ATAD3C: variants seen among roughly 807,000 people sequenced by gnomAD.
The protein encoded by ATAD3C is ATPase family AAA domain-containing protein 3C.
In ATAD3C, 38 loss-of-function variants were observed where a neutral mutation model predicts 46.3. The ratio of observed to expected loss-of-function variants is 0.82; its 90% CI spans 0.63 to 1.08. The LOEUF is 1.08. ATAD3C is among the 50% of genes least tolerant of loss of function. ATAD3C has a pLI of 0.00. For missense variants in ATAD3C, 563 were observed against 572.7 expected, an observed-to-expected ratio of 0.98 and a Z score of 0.17; for synonymous variants, 220 against 236.4, an observed-to-expected ratio of 0.93 and a Z score of 0.63.
intron 8 of ATAD3C, among the ~76,000 whole-genome samples, chr1:1,457,859 G>A (rs1355585574): frequency 6.6e-6 from 1 of 151,138 alleles, no homozygotes; most frequent in African/African-American, 2.4e-5. Flanking sequence ...TGTATTTTTA[G>A]TAGAGATGGG....
chr1:1,452,076 G>C lies in ATAD3C; in HGVS notation c.106G>C (p.Glu36Gln), dbSNP rs1421242276. 1.2e-6 allele frequency: 2 copies of C among 1,613,548 alleles called. No homozygotes were observed. Among genetic ancestry groups the C allele is most frequent in the African/African-American group, 2.7e-5 (2 of 74,942 alleles). ...QLVNEDLRKQ[E>Q]ESVQKHHQTF... ...TGTCAATGAGGATTTACGGAAGCAG[G>C]AGGAGTCCGTGCAGAAGCACCATCA... The change falls in exon 2 of 12, where the codon GAG becomes CAG. Residue 36 changes from glutamate (E) to glutamine (Q), a missense_variant. This residue lies in a region of ATAD3C where 263 missense variants were observed against 243.1 expected (regional missense o/e 1.08). Coordinates refer to ENST00000378785, the MANE Select transcript of ATAD3C (RefSeq NM_001039211.3).
Position 1,470,093 on chromosome 1 carries a change from T to A in ATAD3C, c.*1563T>A, listed in dbSNP as rs1639220909. 1 of 152,046 alleles carries A rather than the reference T, an allele frequency of 6.6e-6. No homozygotes were observed. Among genetic ancestry groups the A allele is most frequent in the African/African-American group, 2.4e-5 (1 of 41,398 alleles). 9.4% of individuals were successfully genotyped at this position (152,046 alleles called of 1,614,324 possible). A position where few individuals can be genotyped will look rare whatever the true frequency, so the allele number is the denominator to read the frequency against. ...GAACTAGTGATAATCCCACCACCCT[T>A]TGCTGACTCTCTTTTTGAACTCAGC... On this transcript the variant is annotated 3_prime_UTR_variant, in exon 12 of 12. Transcript: ENST00000378785.
chr1:1,464,320 G>A (rs11485860), intron 11 of ATAD3C, among the ~76,000 whole-genome samples: 3,506 of 151,850 alleles, frequency 0.023, 172 homozygotes, highest in African/African-American at 0.08. Flanking sequence ...GTGCCAGCTC[G>A]GTCCCTCCCT....
At position 1,469,480 on chromosome 1, in the gene ATAD3C, T is replaced by TGGGGTG. The variant is rs895717527; in HGVS notation, c.*962_*967dup. ...ATAACCAAAACCTTGATTACAGCCATGGGGTGGGGGTGGGGGTCAGGGGCG... is the reference window on the plus strand; with the variant it reads ...ATAACCAAAACCTTGATTACAGCCATGGGGTGGGGGTGGGGGTGGGGGTCAGGGGCG... On this transcript the variant is annotated 3_prime_UTR_variant, in exon 12 of 12. Transcript: ENST00000378785. 6.6e-5 allele frequency: 1 copy of TGGGGTG among 15,164 alleles called. No individual in the cohort carries two copies. The highest frequency in any genetic ancestry group is 1.8e-3 in the South Asian group (1 of 570). The allele number at this position is 15,164 out of a possible 1,614,324, so 0.9% of individuals were successfully genotyped here. A position where few individuals can be genotyped will look rare whatever the true frequency, so the allele number is the denominator to read the frequency against.
chr1:1,454,566 C>T, intron 4 of ATAD3C, 66 bp downstream of exon 4: 1 of 1,553,466 alleles, frequency 6.4e-7, no homozygotes, highest in Non-Finnish European at 8.7e-7. Context: ...GCCCCACGAG[C>T]ACAGCCCACG....
rs1014414435 is a variant in ATAD3C at position 1,449,890 on chromosome 1, A to G, written c.-794A>G. ...CATTGACCTGTGTCGGTTCCCCACT[A>G]GGAACAAAATGTAACTGAGGACGTT... On this transcript the variant is annotated 5_prime_UTR_variant, in exon 1 of 12. Transcript: ENST00000378785. 8 of 152,086 alleles carry G rather than the reference A, an allele frequency of 5.3e-5. No individual in the cohort carries two copies. The highest frequency in any genetic ancestry group is 1.9e-4 in the African/African-American group (8 of 41,456). The allele number at this position is 152,086 out of a possible 1,614,324, so 9.4% of individuals were successfully genotyped here.
chr1:1,466,861 G>A (rs146032496), intron 11 of ATAD3C, among the ~76,000 whole-genome samples: 3,547 of 152,024 alleles, frequency 0.023, 175 homozygotes, highest in African/African-American at 0.08. Context: ...TTGATATGAG[G>A]GTAATGCTGG....
rs527340783 is a variant in ATAD3C, at chr1:1,459,721, T to C, written c.812+490T>C. On this transcript the variant is annotated intron_variant, in intron 9 of 11. Coordinates refer to ENST00000378785, the MANE Select transcript of ATAD3C (RefSeq NM_001039211.3). The surrounding 1 kb of genome is among the most constrained non-coding windows in gnomAD (Gnocchi z 4.9). ...TGGCCAAGGGTGCACCCTCCAGGCT[T>C]GGGGCCCACCCGACTTTGTGTGGCC... 7.2e-5 allele frequency among the ~76,000 whole-genome samples: 11 copies of C among 151,924 alleles called. 1 individual carries two copies. The highest frequency in any genetic ancestry group is 1.2e-4 in the Non-Finnish European group (8 of 67,964).
chr1:1,457,595 C>CAAAAAAAAAAAAAAAAAAAAAA (rs777757826), intron 8 of ATAD3C, among the ~76,000 whole-genome samples: 3 of 36,444 alleles, frequency 8.2e-5, no homozygotes, highest in African/African-American at 4.1e-4. Flanking sequence ...GACTTCATCT[C>CAAAAAAAAAAAAAAAAAAAAAA]AAAAAAAAAA....
chr1:1,456,905 G>T (rs929282372), intron 7 of ATAD3C, among the ~76,000 whole-genome samples: 1 of 151,944 alleles, frequency 6.6e-6, no homozygotes, highest in East Asian at 1.9e-4. Context: ...GACTCTAAGC[G>T]GCCACCAGCG....
At position 1,455,812 on chromosome 1, in the gene ATAD3C, C is replaced by G. The variant is rs190004171; in HGVS notation, c.460C>G (p.Arg154Gly). ...VLSPSLEARVRDIAIMTRNIK... is the reference protein window; with the variant it reads ...VLSPSLEARVGDIAIMTRNIK... ...GCAGCCCAGCCTGGAAGCACGGGTG[C>G]GCGACATCGCCATAATGACAAGGAA... Residue 154 changes from arginine to glycine, a missense_variant, in exon 6 of 12, where the codon CGC becomes GGC. Arg to Gly is a moderately radical substitution (Grantham distance 125). Around this residue, in one of 3 missense-constraint regions of ATAD3C, gnomAD observed 263 missense variants for 243.1 expected, o/e 1.08. Coordinates refer to ENST00000378785, the MANE Select transcript of ATAD3C (RefSeq NM_001039211.3). 1.2e-6 allele frequency: 2 copies of G among 1,613,254 alleles called. No individual in the cohort carries two copies. The highest frequency in any genetic ancestry group is 1.7e-6 in the Non-Finnish European group (2 of 1,179,666).
chr1:1,462,685 G>A lies in ATAD3C; in HGVS notation c.1066G>A (p.Ala356Thr), dbSNP rs201934248. The A allele has an allele frequency of 2.9e-5, 46 of 1,604,694 alleles. No individual in the cohort carries two copies. In the African/African-American group the frequency reaches 4.3e-4, roughly 15 times the overall value. ...AGAGGGCATGTCATGCCGGAAGATC[G>A]CACAGCTGGCCGTGTCCTGGCAGGT... The part of the protein sequence containing the change: ...LTEGMSCRKI[A>T]QLAVSWQATA... Residue 356 changes from alanine to threonine, a missense_variant, in exon 11 of 12, where the codon GCA (alanine) becomes ACA (threonine). Physicochemically the swap from Ala to Thr is moderately conservative, Grantham distance 58. Coordinates refer to ENST00000378785, the MANE Select transcript of ATAD3C (RefSeq NM_001039211.3). This position sits in a 1 kb window ranked among gnomAD's most constrained non-coding sequence, Gnocchi z 4.5.
In ATAD3C at chr1:1,462,786, C is replaced by A; in HGVS notation, c.1089+78C>A. 6.8e-7 allele frequency: 1 copy of A among 1,468,882 alleles called. No individual in the cohort carries two copies. Among genetic ancestry groups the A allele is most frequent in the East Asian group, 2.5e-5 (1 of 40,642 alleles). 91.0% of individuals were successfully genotyped at this position (1,468,882 alleles called of 1,614,324 possible). A position where few individuals can be genotyped will look rare whatever the true frequency, so the allele number is the denominator to read the frequency against. On this transcript the variant is annotated intron_variant, in intron 11 of 11. Transcript: ENST00000378785. This position sits in a 1 kb window ranked among gnomAD's most constrained non-coding sequence, Gnocchi z 4.5. ...ATGCTTGGTTGCGCCAGGCCTGTCC[C>A]AGCACCGGTGTCACGTGGGAGCTTC...
At chr1:1,453,642 C>CT (rs1259384008) in intron 3 of ATAD3C, among the ~76,000 whole-genome samples, 1 of 96,318 alleles carries the variant, frequency 1.0e-5, no homozygotes, top group African/African-American at 7.1e-5. Context: ...TGGCATAAAC[C>CT]ATTTTTTTTT....
intron 11 of ATAD3C, among the ~76,000 whole-genome samples, chr1:1,464,209 A>T (rs1639112893): frequency 6.6e-6 from 1 of 151,218 alleles, no homozygotes; most frequent in Non-Finnish European, 1.5e-5. Flanking sequence ...TGTCTCAAAA[A>T]AAAAAAAAAA....
chr1:1,456,876 A>T (rs1350683468), intron 7 of ATAD3C, among the ~76,000 whole-genome samples: 2 of 151,742 alleles, frequency 1.3e-5, no homozygotes, highest in African/African-American at 4.8e-5. Context: ...TTCACTTTAG[A>T]AGACCTGTCC....
In ATAD3C at chr1:1,468,571, C is replaced by T. The variant is rs1295115528; in HGVS notation, c.*41C>T. 3.2e-6 allele frequency: 5 copies of T among 1,580,370 alleles called. No individual in the cohort carries two copies. In the South Asian group the frequency reaches 4.5e-5, roughly 14 times the overall value. ...ACACCTCACGGAGCCTGGCCGCGGA[C>T]CCCTCCCACCCCTGCCTTTGCGGCC... is the stretch of plus-strand genomic sequence containing the variant. On this transcript the variant is annotated 3_prime_UTR_variant, in exon 12 of 12. Coordinates refer to ENST00000378785, the MANE Select transcript of ATAD3C (RefSeq NM_001039211.3).
chr1:1,454,211 T>C, intron 3 of ATAD3C, 134 bp from the exon 4 acceptor site: 1 of 1,421,814 alleles, frequency 7.0e-7, no homozygotes, highest in Non-Finnish European at 9.3e-7. Context: ...GGAATTCGGG[T>C]TCCTGTGGGG....
At chr1:1,453,880 A>T (rs1638905261) in intron 3 of ATAD3C, among the ~76,000 whole-genome samples, 1 of 151,854 alleles carries the variant, frequency 6.6e-6, no homozygotes, top group Non-Finnish European at 1.5e-5. Flanking sequence ...ACCTCAGGTG[A>T]TCCACCTGCC....
Sources: gnomAD v4.1 joint callset for allele counts (sites outside exome capture counted in the v4.1 genomes callset) on GRCh38, gnomAD v4.1.1 for gene constraint, gnomAD v4.1.1 regional missense constraint, Gnocchi (gnomAD v3.1) non-coding constraint, MANE v1.5 for transcripts, NCBI Gene and HGNC (gene_info 2026-07-23, HGNC 2026-07-21) for gene names.